Variants in ORC5 observed in about 807,000 individuals in gnomAD.
The protein encoded by ORC5 is protein phosphatase 1, regulatory subunit 117.
A neutral mutation model predicts 58.8 loss-of-function variants in ORC5; 39 were observed. The observed-to-expected ratio is 0.66, with a 90% CI of 0.51 to 0.87. The LOEUF (loss-of-function observed/expected upper bound fraction) is 0.87. Ranked by LOEUF, ORC5 falls within the 40% of genes least tolerant of loss-of-function variation. The pLI is 0.00. For synonymous variants in ORC5, 218 were observed against 177.6 expected, an observed-to-expected ratio of 1.23 and a Z score of -1.81; for missense variants, 493 against 506.3, an observed-to-expected ratio of 0.97 and a Z score of 0.25.
chr7:104,199,771 T>G (rs376407927), intron 3 of ORC5, among the ~76,000 whole-genome samples: 1 of 152,178 alleles, frequency 6.6e-6, no homozygotes, highest in Non-Finnish European at 1.5e-5. Flanking sequence ...GAAGCCACAG[T>G]TGACTTTGAA....
intron 3 of ORC5, among the ~76,000 whole-genome samples, chr7:104,198,397 T>C (rs1001901303): frequency 1.3e-5 from 2 of 152,170 alleles, no homozygotes; most frequent in African/African-American, 4.8e-5. Context: ...AGGAACTAAT[T>C]GGGGACAGGG....
chr7:104,137,720 T>A (rs1415259407), intron 12 of ORC5, among the ~76,000 whole-genome samples: 2 of 151,816 alleles, frequency 1.3e-5, no homozygotes, highest in Non-Finnish European at 2.9e-5. Context: ...AACACAGAGT[T>A]TGGCCAAGAG....
intron 6 of ORC5, chr7:104,188,000 A>C (rs1316373513): frequency 3.7e-6 from 4 of 1,082,360 alleles, no homozygotes; most frequent in Non-Finnish European, 4.5e-6. Flanking sequence ...GAAGAGTAAG[A>C]AGATCTGAGA....
At chr7:104,148,459 G>A (rs1182361608) in intron 12 of ORC5, among the ~76,000 whole-genome samples, 1 of 152,144 alleles carries the variant, frequency 6.6e-6, no homozygotes, top group African/African-American at 2.4e-5. Flanking sequence ...AGCAGGCAAT[G>A]CAAGTAAAAC....
intron 8 of ORC5, among the ~76,000 whole-genome samples, chr7:104,183,472 G>C (rs573208088): frequency 6.6e-6 from 1 of 152,284 alleles, no homozygotes; most frequent in African/African-American, 2.4e-5. Context: ...GAATCAAAAT[G>C]GGGTCACATG....
chr7:104,137,693 G>A (rs932851843), intron 12 of ORC5, among the ~76,000 whole-genome samples: 2 of 151,984 alleles, frequency 1.3e-5, no homozygotes, highest in Non-Finnish European at 2.9e-5. Context: ...ATGCCAGCAG[G>A]CCACCTACGG....
chr7:104,177,761 T>A (rs1799352398), intron 8 of ORC5, among the ~76,000 whole-genome samples: 2 of 152,182 alleles, frequency 1.3e-5, no homozygotes, highest in Admixed American at 6.5e-5. Context: ...TGTGTGATGT[T>A]CCCCTCCGTG....
chr7:104,181,844 C>G (rs1373228600), intron 8 of ORC5, among the ~76,000 whole-genome samples: 1 of 151,170 alleles, frequency 6.6e-6, no homozygotes, highest in Non-Finnish European at 1.5e-5. Context: ...TTCAAGGATT[C>G]TCAGCCTTAC....
At chr7:104,203,061 G>C (rs1015796534) in intron 2 of ORC5, among the ~76,000 whole-genome samples, 21 of 152,204 alleles carry the variant, frequency 1.4e-4, no homozygotes, top group Non-Finnish European at 1.9e-4. Context: ...AGTATAAGTA[G>C]AAGAAAACCT....
chr7:104,160,510 T>C lies in ORC5; in HGVS notation c.1149+562A>G, dbSNP rs574058409. Reference sequence around the variant, plus strand: ...CTACTGTGACTATAATTTTAATAATTTGTTTTTTCTTAAAATGTCAACTAA... The same window carrying C: ...CTACTGTGACTATAATTTTAATAATCTGTTTTTTCTTAAAATGTCAACTAA... On this transcript the variant is annotated intron_variant, in intron 12 of 13. Transcript: ENST00000297431. 1.2e-4 allele frequency among the ~76,000 whole-genome samples: 18 copies of C among 152,300 alleles called. No individual in the cohort carries two copies. In the South Asian group the frequency reaches 3.5e-3, roughly 30 times the overall value.
At chr7:104,203,410 C>T (rs1014849636) in intron 2 of ORC5, among the ~76,000 whole-genome samples, 8 of 152,094 alleles carry the variant, frequency 5.3e-5, no homozygotes, top group Admixed American at 3.3e-4. Flanking sequence ...GTTAGTTATC[C>T]GGCCCTTAAG....
intron 5 of ORC5, among the ~76,000 whole-genome samples, chr7:104,188,743 A>G (rs1250600392): frequency 1.3e-5 from 2 of 152,016 alleles, no homozygotes; most frequent in Non-Finnish European, 2.9e-5. Context: ...GTCCCCACCC[A>G]TATCTCATTT....
intron 5 of ORC5, among the ~76,000 whole-genome samples, chr7:104,189,250 G>T (rs985709501): frequency 2.0e-5 from 3 of 151,898 alleles, no homozygotes; most frequent in African/African-American, 7.3e-5. Flanking sequence ...GGCTGGGGAG[G>T]CCTCAGGAAA....
At chr7:104,164,063 T>C (rs1047538853) in intron 11 of ORC5, among the ~76,000 whole-genome samples, 4 of 152,252 alleles carry the variant, frequency 2.6e-5, no homozygotes, top group African/African-American at 4.8e-5. Flanking sequence ...TATTGTATCA[T>C]TTATCCATTT....
chr7:104,166,921 G>C (rs759679227), intron 9 of ORC5, 37 bp from the exon 10 acceptor site: 1 of 1,177,580 alleles, frequency 8.5e-7, no homozygotes, highest in Non-Finnish European at 1.3e-6. Context: ...TACTTATTAG[G>C]CTAACATTGG....
At chr7:104,141,123 T>G (rs1281966826) in intron 12 of ORC5, among the ~76,000 whole-genome samples, 1 of 152,190 alleles carries the variant, frequency 6.6e-6, no homozygotes, top group East Asian at 1.9e-4. Context: ...ACAGATGTAT[T>G]ATACTCCGGC....
chr7:104,181,770 C>T (rs1052533824), intron 8 of ORC5, among the ~76,000 whole-genome samples: 55 of 141,152 alleles, frequency 3.9e-4, no homozygotes, highest in Non-Finnish European at 7.3e-4. Flanking sequence ...CCAGCCTGGG[C>T]GACAGAGCGA....
At chr7:104,128,413 G>A (rs566085283) in intron 13 of ORC5, among the ~76,000 whole-genome samples, 6 of 152,260 alleles carry the variant, frequency 3.9e-5, no homozygotes, top group Admixed American at 1.3e-4. Flanking sequence ...GTGAGCCACC[G>A]CGCCCAGCCA....
chr7:104,197,810 CA>C lies in ORC5; in HGVS notation c.367-12del, dbSNP rs531221108. 3.4e-6 allele frequency: 5 copies of C among 1,486,530 alleles called. No homozygotes were observed. The highest frequency in any genetic ancestry group is 2.4e-5 in the East Asian group (1 of 42,350). The allele number at this position is 1,486,530 out of a possible 1,614,324, so 92.1% of individuals were successfully genotyped here. A position where few individuals can be genotyped will look rare whatever the true frequency, so the allele number is the denominator to read the frequency against. On this transcript the variant is annotated splice_polypyrimidine_tract_variant and intron_variant, in intron 3 of 13. Coordinates refer to ENST00000297431, the MANE Select transcript of ORC5 (RefSeq NM_002553.4). Reference sequence around the variant, plus strand: ...TGCTTTATCTAGAACCTTTAAAAAACAAAAAAACAAAACAAAAAGAAATGCA... The same window carrying C: ...TGCTTTATCTAGAACCTTTAAAAAACAAAAAACAAAACAAAAAGAAATGCA...
Sources: gnomAD v4.1 joint callset for allele counts (sites outside exome capture counted in the v4.1 genomes callset) on GRCh38, gnomAD v4.1.1 for gene constraint, MANE v1.5 for transcripts, NCBI Gene and HGNC (gene_info 2026-07-23, HGNC 2026-07-21) for gene names.